The following CHD2 variants were observed in gnomAD, a reference collection of about 807,000 sequenced individuals.
The protein encoded by CHD2 is chromodomain helicase DNA binding protein 2.
CHD2 carries 28 observed loss-of-function variants against 243.9 expected under a neutral mutation model. The ratio of observed to expected loss-of-function variants is 0.11; its 90% CI spans 0.09 to 0.16. CHD2 has a LOEUF of 0.16. Among genes scored for constraint, CHD2 ranks in the 10% least tolerant of loss-of-function variants. The pLI, the probability that CHD2 is intolerant of heterozygous loss-of-function variation, is 1.00. For missense variants in CHD2, 1,386 were observed against 2,209.8 expected, an observed-to-expected ratio of 0.63 and a Z score of 7.47; for synonymous variants, 775 against 779.0, an observed-to-expected ratio of 0.99 and a Z score of 0.09.
chr15:92,983,431 A>G (rs187767173), intron 24 of CHD2, among the ~76,000 whole-genome samples: 3 of 152,338 alleles, frequency 2.0e-5, no homozygotes, highest in Non-Finnish European at 2.9e-5. Context: ...ATTTTAGCCA[A>G]AAGTCATAAA....
chr15:92,990,931 TC>T (rs1399555210), intron 26 of CHD2, among the ~76,000 whole-genome samples: 1 of 152,204 alleles, frequency 6.6e-6, no homozygotes, highest in Non-Finnish European at 1.5e-5. Flanking sequence ...CAGTAGAGTT[TC>T]CAAAATTGTT....
At position 92,972,315 on chromosome 15, in the gene CHD2, A is replaced by C; in HGVS notation, c.2403A>C (p.Thr801=). ...GKLILLDKLL[T]RLRERGNRVL... ...TGATTTTATTAGACAAACTGTTGACAAGACTTCGAGAAAGGGGGAATCGAG... is the reference window on the plus strand; with the variant it reads ...TGATTTTATTAGACAAACTGTTGACCAGACTTCGAGAAAGGGGGAATCGAG... The change falls in exon 19 of 39, where the codon ACA becomes ACC. Residue 801 remains threonine, a synonymous_variant. Transcript: ENST00000394196. 6.2e-7 allele frequency: 1 copy of C among 1,613,058 alleles called. No individual in the cohort carries two copies. The highest frequency in any genetic ancestry group is 1.7e-5 in the Admixed American group (1 of 59,656).
chr15:92,974,771 A>T, intron 19 of CHD2, 108 bp from the exon 20 acceptor site: 1 of 967,976 alleles, frequency 1.0e-6, no homozygotes, highest in South Asian at 1.4e-5. Context: ...CTTTGCAGTT[A>T]TTTTTACTCA....
intron 7 of CHD2, 63 bp from the exon 8 acceptor site, chr15:92,941,759 A>G: frequency 6.6e-7 from 1 of 1,510,154 alleles, no homozygotes; most frequent in East Asian, 2.3e-5. Context: ...AGTGACGGTT[A>G]TGTGTGGCAG....
intron 37 of CHD2, among the ~76,000 whole-genome samples, chr15:93,019,711 A>G (rs1451072467): frequency 6.6e-6 from 1 of 152,136 alleles, no homozygotes; most frequent in Non-Finnish European, 1.5e-5. Flanking sequence ...AGGCGGGCGG[A>G]TCACCTGAGG....
At chr15:92,954,619 G>T (rs1166550619) in intron 14 of CHD2, among the ~76,000 whole-genome samples, 4 of 152,326 alleles carry the variant, frequency 2.6e-5, no homozygotes, top group East Asian at 3.8e-4. Flanking sequence ...CGAAAAAAGA[G>T]AAATTTATAG....
intron 17 of CHD2, 59 bp downstream of exon 17, chr15:92,967,572 G>A: frequency 1.6e-6 from 2 of 1,238,974 alleles, no homozygotes; most frequent in South Asian, 2.8e-5. Context: ...GAAACTATTA[G>A]ATAGGAGATA....
At chr15:92,927,129 C>G (rs2141752218) in intron 3 of CHD2, 115 bp from the exon 4 acceptor site, 4 of 748,266 alleles carry the variant, frequency 5.3e-6, no homozygotes, top group East Asian at 5.5e-5. Context: ...ATAGAACTAG[C>G]AAAACAACCC....
chr15:92,984,209 G>T, intron 24 of CHD2, 121 bp from the exon 25 acceptor site: 1 of 693,208 alleles, frequency 1.4e-6, no homozygotes, highest in Non-Finnish European at 2.1e-6. Context: ...ATCTGATTAT[G>T]TAATATCACA....
In CHD2 at chr15:92,972,440, T is replaced by C. The variant is rs780074323; in HGVS notation, c.2505+23T>C. 5.8e-5 allele frequency: 91 copies of C among 1,565,782 alleles called. 1 individual carries two copies. In the South Asian group the frequency reaches 8.4e-4, roughly 14 times the overall value. ...CAGGTAAGGTGATTTCAGTAATTGC[T>C]GTGGGGGGAATCAATCTCTCTCTCC... On this transcript the variant is annotated intron_variant, in intron 19 of 38. Transcript: ENST00000394196.
intron 20 of CHD2, among the ~76,000 whole-genome samples, chr15:92,976,127 T>G: frequency 6.6e-6 from 1 of 152,192 alleles, no homozygotes; most frequent in East Asian, 1.9e-4. Flanking sequence ...ATTGGTTTTG[T>G]GTTCTCCACT....
At chr15:92,923,918 A>G (rs1177845807) in intron 2 of CHD2, among the ~76,000 whole-genome samples, 1 of 152,064 alleles carries the variant, frequency 6.6e-6, no homozygotes, top group Admixed American at 6.6e-5. Flanking sequence ...GAGGGGAATG[A>G]TACTTAACAG....
intron 5 of CHD2, among the ~76,000 whole-genome samples, chr15:92,935,263 A>C (rs941121154): frequency 4.0e-5 from 6 of 151,734 alleles, no homozygotes; most frequent in South Asian, 4.2e-4. Flanking sequence ...GTCTCAATCT[A>C]CTGACCTCGT....
At chr15:92,940,976 A>T (rs55925423) in intron 7 of CHD2, among the ~76,000 whole-genome samples, 1,833 of 50,428 alleles carry the variant, frequency 0.036, 37 homozygotes, top group African/African-American at 0.085. Context: ...TATAAATATA[A>T]ATATAAATAT....
chr15:92,908,163 A>G (rs2052657419), intron 2 of CHD2, among the ~76,000 whole-genome samples: 2 of 151,278 alleles, frequency 1.3e-5, no homozygotes, highest in African/African-American at 4.9e-5. Flanking sequence ...GCTGATAATT[A>G]TTACCCTGGT....
In CHD2 at chr15:93,010,346, T is replaced by G. The variant is rs528334821; in HGVS notation, c.4592+1023T>G. On this transcript the variant is annotated intron_variant, in intron 35 of 38. Coordinates refer to ENST00000394196, the MANE Select transcript of CHD2 (RefSeq NM_001271.4). ...TCTTTTCCCCTGGGTGGATACCCAG[T>G]AGTGGGATTGCTGGATATATATCCA... is the stretch of plus-strand genomic sequence containing the variant. 1.8e-4 allele frequency among the ~76,000 whole-genome samples: 27 copies of G among 152,288 alleles called. No individual in the cohort carries two copies. The South Asian group carries it at 5.6e-3, about 32-fold the overall frequency.
chr15:92,981,055 C>T, intron 23 of CHD2, 144 bp downstream of exon 23: 1 of 665,618 alleles, frequency 1.5e-6, no homozygotes, highest in East Asian at 2.7e-5. Flanking sequence ...TCGTAGGAAT[C>T]TCATAGCTCT....
chr15:92,959,053 T>C (rs1001362509), intron 16 of CHD2, among the ~76,000 whole-genome samples: 2 of 152,250 alleles, frequency 1.3e-5, no homozygotes, highest in Non-Finnish European at 2.9e-5. Flanking sequence ...TTTTCACTTT[T>C]TGAATGTTGT....
intron 20 of CHD2, among the ~76,000 whole-genome samples, chr15:92,976,015 G>A (rs970815959): frequency 6.6e-6 from 1 of 152,162 alleles, no homozygotes; most frequent in African/African-American, 2.4e-5. Flanking sequence ...ATATTGCTCT[G>A]AGGATTAAAT....
Sources: allele counts gnomAD v4.1 joint callset (sites outside exome capture counted in the v4.1 genomes callset), GRCh38; gene constraint gnomAD v4.1.1; transcripts MANE v1.5; gene names NCBI Gene and HGNC (gene_info 2026-07-23, HGNC 2026-07-21).